The following UNC13A variants were observed in gnomAD, a reference collection of about 807,000 sequenced individuals.
UNC13A encodes unc-13 homolog A.
Under a neutral mutation model 219.7 loss-of-function variants are expected in UNC13A, and 61 were observed. That is an observed-to-expected ratio of 0.28 (90% confidence interval 0.23 to 0.34). The LOEUF is 0.34. UNC13A is among the 10% of genes least tolerant of loss of function. The pLI, the probability that UNC13A is intolerant of heterozygous loss-of-function variation, is 1.00. For synonymous variants in UNC13A, 920 were observed against 884.6 expected, an observed-to-expected ratio of 1.04 and a Z score of -0.71; for missense variants, 1,476 against 2,270.3, an observed-to-expected ratio of 0.65 and a Z score of 7.11.
intron 25 of UNC13A, among the ~76,000 whole-genome samples, chr19:17,637,454 C>A (rs1470677268): frequency 1.3e-5 from 2 of 152,040 alleles, no homozygotes; most frequent in Admixed American, 1.3e-4. Flanking sequence ...CCCGCCACCA[C>A]GCCCGGCTAA....
intron 1 of UNC13A, among the ~76,000 whole-genome samples, chr19:17,684,157 G>T (rs2080068173): frequency 1.3e-5 from 2 of 152,148 alleles, no homozygotes; most frequent in Admixed American, 1.3e-4. Context: ...CACATAGGAA[G>T]ATCTGGAAGT....
chr19:17,659,871 A>G (rs1359939439), intron 8 of UNC13A, among the ~76,000 whole-genome samples: 1 of 152,214 alleles, frequency 6.6e-6, no homozygotes, highest in African/African-American at 2.4e-5. Flanking sequence ...AAAATCTCAG[A>G]GCAATGAGTG....
In UNC13A at chr19:17,624,918, C is replaced by T. The variant is rs2144978811; in HGVS notation, c.4108G>A (p.Val1370Met). 1 of 1,613,856 alleles carries T rather than the reference C, an allele frequency of 6.2e-7. No individual in the cohort carries two copies. Among genetic ancestry groups the T allele is most frequent in the Non-Finnish European group, 8.5e-7 (1 of 1,179,752 alleles). Residue 1370 changes from valine to methionine, a missense_variant, in exon 35 of 44, where the codon GTG becomes ATG. Val to Met is a conservative substitution (Grantham distance 21). Coordinates refer to ENST00000519716, the MANE Select transcript of UNC13A (RefSeq NM_001080421.3). The part of the protein sequence containing the change: ...TLFAKICEKT[V>M]LKRVLKELWK... ...AGCTCCTTCAGCACTCGCTTCAGCA[C>T]AGTCTTCTCACAGATTTTGGCAAAG...
chr19:17,629,683 C>T (rs977324883), intron 30 of UNC13A, among the ~76,000 whole-genome samples: 9 of 151,912 alleles, frequency 5.9e-5, no homozygotes, highest in African/African-American at 1.7e-4. Flanking sequence ...CCCAATGATC[C>T]CAACCCTCAA....
intron 11 of UNC13A, among the ~76,000 whole-genome samples, chr19:17,653,440 T>C (rs1006065848): frequency 2.6e-5 from 4 of 151,524 alleles, no homozygotes; most frequent in Non-Finnish European, 5.9e-5. Flanking sequence ...CTCCACCTCC[T>C]GGGTTCAAGC....
chr19:17,629,226 C>T lies in UNC13A; in HGVS notation c.3753+14G>A, dbSNP rs752700991. The T allele has an allele frequency of 2.5e-6, 4 of 1,599,266 alleles. No homozygotes were observed. In the African/African-American group the frequency reaches 4.0e-5, roughly 16 times the overall value. ...GCTGAGGAGGGAGATAGGTCAGGGG[C>T]CCCCTCAGGTCACCACTTTCTCCTT... On this transcript the variant is annotated intron_variant, in intron 31 of 43. Transcript: ENST00000519716.
At chr19:17,667,533 G>C (rs996471145) in intron 6 of UNC13A, among the ~76,000 whole-genome samples, 6 of 152,032 alleles carry the variant, frequency 3.9e-5, no homozygotes, top group African/African-American at 1.4e-4. Context: ...GAGTGCAGCA[G>C]CGTGATCTCG....
At position 17,647,361 on chromosome 19, in the gene UNC13A, C is replaced by T. The variant is rs991719758; in HGVS notation, c.1948G>A (p.Ala650Thr). The T allele has an allele frequency of 3.7e-6, 6 of 1,613,442 alleles. No homozygotes were observed. Among genetic ancestry groups the T allele is most frequent in the Admixed American group, 3.3e-5 (2 of 59,958 alleles). The part of the protein sequence containing the change: ...EIFELIQEIF[A>T]VTKTAHTQQM... The stretch of plus-strand genomic sequence containing the variant: ...TGCGTGTGCGCCGTCTTGGTCACCG[C>T]GAAGATCTCCTGGATGAGCTCGAAG... The change falls in exon 17 of 44, where the codon GCG becomes ACG. Residue 650 changes from alanine (A) to threonine (T), a missense_variant. This residue lies in a region of UNC13A where 34 missense variants were observed against 38.7 expected (regional missense o/e 0.88). Coordinates refer to ENST00000519716, the MANE Select transcript of UNC13A (RefSeq NM_001080421.3).
chr19:17,657,960 C>T (rs2079487281), intron 9 of UNC13A, 102 bp downstream of exon 9: 8 of 1,250,822 alleles, frequency 6.4e-6, no homozygotes, highest in Non-Finnish European at 6.8e-6. Context: ...GAATTCTGCC[C>T]TTCTGGAACT....
At chr19:17,617,230 G>A (rs1299471712) in intron 41 of UNC13A, among the ~76,000 whole-genome samples, 1 of 152,090 alleles carries the variant, frequency 6.6e-6, no homozygotes, top group Non-Finnish European at 1.5e-5. Flanking sequence ...ATCCTGAGCT[G>A]TCAATCACTC....
chr19:17,683,968 T>G (rs921977918), intron 1 of UNC13A, among the ~76,000 whole-genome samples: 3 of 151,906 alleles, frequency 2.0e-5, no homozygotes, highest in African/African-American at 7.3e-5. Flanking sequence ...TGGTGGTGCA[T>G]GCCTATACTC....
At position 17,627,770 on chromosome 19, in the gene UNC13A, C is replaced by A. The variant is rs527723586; in HGVS notation, c.3831+93G>T. 7.1e-7 allele frequency: 1 copy of A among 1,411,792 alleles called. No homozygotes were observed. Among genetic ancestry groups the A allele is most frequent in the East Asian group, 2.5e-5 (1 of 40,500 alleles). The allele number at this position is 1,411,792 out of a possible 1,614,324, so 87.5% of individuals were successfully genotyped here. A position where few individuals can be genotyped will look rare whatever the true frequency, so the allele number is the denominator to read the frequency against. On this transcript the variant is annotated intron_variant, in intron 32 of 43. Coordinates refer to ENST00000519716, the MANE Select transcript of UNC13A (RefSeq NM_001080421.3). This position sits in a 1 kb window ranked among gnomAD's most constrained non-coding sequence, Gnocchi z 4.7. The stretch of plus-strand genomic sequence containing the variant: ...CCATGGTTGAGCTGGAATTCATCCC[C>A]AGGCCTGGTGGCATATGAGCTCAGG...
chr19:17,640,430 G>C, intron 22 of UNC13A, 81 bp downstream of exon 22: 1 of 1,470,852 alleles, frequency 6.8e-7, no homozygotes, highest in Non-Finnish European at 9.1e-7. Flanking sequence ...GTCTAGACTG[G>C]GGACCCAGAA....
chr19:17,656,392 C>A lies in UNC13A; in HGVS notation c.774G>T (p.Thr258=). Residue 258 remains threonine (T), a synonymous_variant, in exon 10 of 44, where the codon ACG becomes ACT. Coordinates refer to ENST00000519716, the MANE Select transcript of UNC13A (RefSeq NM_001080421.3). ...CGGAAGAGGCATAGCGGCTGCTACC[C>A]GTGGGGCTGTGGGGATGGAACAGGG... ...EFSEPQALSP[T]GSSRYASSGE... is the part of the protein sequence containing the mutation. 2 of 1,526,648 alleles carry A rather than the reference C, an allele frequency of 1.3e-6. No homozygotes were observed. The highest frequency in any genetic ancestry group is 2.5e-5 in the South Asian group (2 of 80,478). 94.6% of individuals were successfully genotyped at this position (1,526,648 alleles called of 1,614,324 possible).
chr19:17,647,398 G>A lies in UNC13A; in HGVS notation c.1911C>T (p.Asn637=). 2 of 1,613,758 alleles carry A rather than the reference G, an allele frequency of 1.2e-6. No individual in the cohort carries two copies. The highest frequency in any genetic ancestry group is 1.1e-5 in the South Asian group (1 of 91,082). The change falls in exon 17 of 44, where the codon AAC becomes AAT. Residue 637 remains asparagine (N), a synonymous_variant. Transcript: ENST00000519716. The part of the protein sequence containing the change: ...LKDRMKIRER[N]KPEIFELIQE... ...GGATGAGCTCGAAGATCTCGGGCTT[G>A]TTGCGCTCCCGGATCTTCATGCGGT... is the stretch of plus-strand genomic sequence containing the variant.
chr19:17,683,063 T>C (rs2080048078), intron 1 of UNC13A, among the ~76,000 whole-genome samples: 1 of 151,982 alleles, frequency 6.6e-6, no homozygotes, highest in Non-Finnish European at 1.5e-5. Context: ...AGACTCTGTC[T>C]CCAATAAATA....
At chr19:17,669,528 G>A in intron 5 of UNC13A, 25 bp downstream of exon 5, 1 of 1,609,746 alleles carries the variant, frequency 6.2e-7, no homozygotes, top group Non-Finnish European at 8.5e-7. Flanking sequence ...GGGGCTGGGT[G>A]AAGGTCCCGG....
chr19:17,669,668 A>C lies in UNC13A; in HGVS notation c.279T>G (p.Pro93=), dbSNP rs1025061580. The change falls in exon 5 of 44, where the codon CCT becomes CCG. Residue 93 remains proline (P), a synonymous_variant. Transcript: ENST00000519716. ...RTIRQSNEEG[P]GEWLTLDSQV... ...GGGAGTCCAGCGTCAGCCACTCTCC[A>C]GGGCCCTCCTGGGGGTTGGGGGAGG... 109 of 1,609,124 alleles carry C rather than the reference A, an allele frequency of 6.8e-5. No homozygotes were observed. The highest frequency in any genetic ancestry group is 8.4e-5 in the Non-Finnish European group (99 of 1,177,956).
intron 9 of UNC13A, among the ~76,000 whole-genome samples, chr19:17,657,143 A>T (rs1325136425): frequency 6.6e-6 from 1 of 152,054 alleles, no homozygotes; most frequent in Non-Finnish European, 1.5e-5. Flanking sequence ...CCCCTGCTCT[A>T]AATCCTACCA....
Sources: allele counts gnomAD v4.1 joint callset (sites outside exome capture counted in the v4.1 genomes callset), GRCh38; gene constraint gnomAD v4.1.1; regional missense constraint gnomAD v4.1.1; non-coding constraint Gnocchi (gnomAD v3.1); transcripts MANE v1.5; gene names NCBI Gene and HGNC (gene_info 2026-07-23, HGNC 2026-07-21).